Variants in METTL15 observed in about 807,000 individuals in gnomAD.
METTL15 encodes methyltransferase 15, mitochondrial 12S rRNA N4-cytidine.
METTL15 carries 34 observed loss-of-function variants against 38.3 expected under a neutral mutation model. The ratio of observed to expected loss-of-function variants is 0.89; its 90% confidence interval spans 0.68 to 1.18. The LOEUF (loss-of-function observed/expected upper bound fraction) is 1.18, where lower values mean the gene tolerates loss of function less well. METTL15 is among the 50% of genes most tolerant of loss of function. The pLI is 0.00. For missense variants in METTL15, 438 were observed against 498.4 expected (o/e 0.88, Z 1.15); for synonymous variants, 162 against 170.9 (o/e 0.95, Z 0.41).
chr11:28,304,057 A>C (rs1856997538), intron 6 of METTL15, among the ~76,000 whole-genome samples: 1 of 152,168 alleles, frequency 6.6e-6, no homozygotes, highest in Non-Finnish European at 1.5e-5. Context: ...TAAAGTGCAA[A>C]TATTCTTGTA....
At chr11:28,254,087 C>T (rs79825575) in intron 4 of METTL15, among the ~76,000 whole-genome samples, 1,676 of 152,230 alleles carry the variant, frequency 0.011, 37 homozygotes, top group African/African-American at 0.038. Context: ...TGCTACTTTA[C>T]ATTCCCACCA....
chr11:28,224,336 C>T (rs1842773910), intron 4 of METTL15, among the ~76,000 whole-genome samples: 1 of 151,806 alleles, frequency 6.6e-6, no homozygotes. Context: ...AAAGAATTGA[C>T]ATCTTTATTC....
intron 3 of METTL15, among the ~76,000 whole-genome samples, chr11:28,340,348 T>A (rs527873936): frequency 6.6e-6 from 1 of 152,112 alleles, no homozygotes; most frequent in Non-Finnish European, 1.5e-5. Flanking sequence ...TATAAAAATT[T>A]TTGCTGTTCT....
chr11:28,371,805 G>T, intron 5 of METTL15, among the ~76,000 whole-genome samples: 1 of 151,974 alleles, frequency 6.6e-6, no homozygotes, highest in South Asian at 2.1e-4. Flanking sequence ...TTCACTGTTG[G>T]TATATACAAA....
intron 6 of METTL15, among the ~76,000 whole-genome samples, chr11:28,450,522 C>T (rs998041694): frequency 2.0e-5 from 3 of 151,992 alleles, no homozygotes; most frequent in African/African-American, 7.3e-5. Flanking sequence ...AAGGTAAAAG[C>T]TTATTGAATG....
chr11:28,303,145 T>A lies in METTL15; in HGVS notation c.778+6214T>A, dbSNP rs548137918. On this transcript the variant is annotated intron_variant, in intron 6 of 6. Transcript: ENST00000407364. ...GCTTTTTCGTATTCTAGCGCTCTTT[T>A]CATTCTCCGGTTACATCAAGGAAAT... Among the ~76,000 whole-genome samples, 53 of 152,320 alleles carry A rather than the reference T, an allele frequency of 3.5e-4. No homozygotes were observed. In the South Asian group the frequency reaches 9.7e-3, roughly 28 times the overall value.
intron 5 of METTL15, among the ~76,000 whole-genome samples, chr11:28,415,627 C>T (rs972244819): frequency 1.3e-4 from 20 of 152,168 alleles, no homozygotes; most frequent in African/African-American, 4.3e-4. Context: ...CTTTCTACTA[C>T]AGTACAGAGC....
intron 3 of METTL15, among the ~76,000 whole-genome samples, chr11:28,339,372 TATAAAAA>T (rs1368892255): frequency 6.6e-6 from 1 of 151,778 alleles, no homozygotes; most frequent in Non-Finnish European, 1.5e-5. Flanking sequence ...AGCTGAAAAC[TATAAAAA>T]ATAAAAATTC....
intron 6 of METTL15, among the ~76,000 whole-genome samples, chr11:28,438,740 A>G (rs1590375249): frequency 6.9e-6 from 1 of 145,954 alleles, no homozygotes; most frequent in Admixed American, 6.8e-5. Flanking sequence ...AGTGGCACGA[A>G]CTCGGCTCAC....
intron 5 of METTL15, among the ~76,000 whole-genome samples, chr11:28,394,959 T>TAA (rs1479809695): frequency 1.3e-5 from 2 of 152,116 alleles, no homozygotes; most frequent in East Asian, 3.9e-4. Context: ...CCACAATGGC[T>TAA]GATTTCTCCC....
intron 4 of METTL15, among the ~76,000 whole-genome samples, chr11:28,240,711 G>C (rs188443528): frequency 1.1e-4 from 16 of 152,040 alleles, no homozygotes; most frequent in Admixed American, 1.0e-3. Context: ...ATTTGTCCTA[G>C]GTTTCCCAAA....
At position 28,513,599 on chromosome 11, in the gene METTL15, TCA is replaced by T. The variant is rs397848885; in HGVS notation, c.*425-12876_*425-12875del. ...GGTGTAAAGTGGGAAATCAGGGGTCTCACAGCCCAGAGCTGAGAGCCCCGAAC... is the reference window on the plus strand; with the variant it reads ...GGTGTAAAGTGGGAAATCAGGGGTCTCAGCCCAGAGCTGAGAGCCCCGAAC... On this transcript the variant is annotated intron_variant and NMD_transcript_variant, in intron 6 of 7. Transcript: ENST00000532947. Among the ~76,000 whole-genome samples, 82 of 152,300 alleles carry T rather than the reference TCA, an allele frequency of 5.4e-4. 3 individuals carry two copies. The South Asian group carries it at 0.017, about 31-fold the overall frequency.
At chr11:28,429,490 G>A (rs1210132513) in intron 6 of METTL15, among the ~76,000 whole-genome samples, 2 of 136,034 alleles carry the variant, frequency 1.5e-5, no homozygotes, top group Non-Finnish European at 3.2e-5. Context: ...GCCTCAGCCT[G>A]CTGAGTGCCT....
At chr11:28,125,054 A>G (rs1044629752) in intron 3 of METTL15, among the ~76,000 whole-genome samples, 2 of 152,122 alleles carry the variant, frequency 1.3e-5, no homozygotes, top group Admixed American at 1.3e-4. Context: ...GAAGTTAAAT[A>G]CAGACAGGTT....
intron 3 of METTL15, among the ~76,000 whole-genome samples, chr11:28,166,702 C>T (rs893321743): frequency 2.0e-5 from 3 of 152,148 alleles, no homozygotes; most frequent in African/African-American, 7.2e-5. Context: ...GTAACCTCAG[C>T]ACTTTGGGAG....
chr11:28,487,596 G>A (rs1439055843), intron 6 of METTL15, among the ~76,000 whole-genome samples: 1 of 151,948 alleles, frequency 6.6e-6, no homozygotes, highest in African/African-American at 2.4e-5. Flanking sequence ...CTATAATAAA[G>A]TCTCATTTTT....
intron 4 of METTL15, among the ~76,000 whole-genome samples, chr11:28,255,903 A>G (rs1328905519): frequency 6.6e-6 from 1 of 152,032 alleles, no homozygotes. Flanking sequence ...GGTTTTCTCC[A>G]TGTTGGTCAG....
intron 4 of METTL15, among the ~76,000 whole-genome samples, chr11:28,264,442 C>G (rs1030970162): frequency 1.3e-5 from 2 of 151,626 alleles, no homozygotes; most frequent in Non-Finnish European, 2.9e-5. Context: ...GAATGAGAAC[C>G]CTACCTTAAA....
intron 5 of METTL15, among the ~76,000 whole-genome samples, chr11:28,390,572 T>C (rs919940105): frequency 2.0e-5 from 3 of 152,226 alleles, no homozygotes; most frequent in African/African-American, 7.2e-5. Flanking sequence ...GGCTCTGTTC[T>C]GTTCCATTGA....
Sources: gnomAD v4.1 joint callset for allele counts (sites outside exome capture counted in the v4.1 genomes callset) on GRCh38, gnomAD v4.1.1 for gene constraint, MANE v1.5 for transcripts, NCBI Gene and HGNC (gene_info 2026-07-23, HGNC 2026-07-21) for gene names.